PRLR: variants seen among roughly 807,000 people sequenced by gnomAD.
PRLR encodes the protein prolactin receptor, also known as hPRL receptor.
A neutral mutation model predicts 40.2 loss-of-function variants in PRLR; 13 were observed. The observed-to-expected ratio is 0.32, with a 90% CI of 0.21 to 0.51. PRLR has a LOEUF of 0.51. Among genes scored for constraint, PRLR ranks in the 20% least tolerant of loss-of-function variants. PRLR has a pLI of 0.97. For missense variants in PRLR, 656 were observed against 747.3 expected, an observed-to-expected ratio of 0.88 and a Z score of 1.42; for synonymous variants, 269 against 278.7, an observed-to-expected ratio of 0.97 and a Z score of 0.35.
intron 2 of PRLR, among the ~76,000 whole-genome samples, chr5:35,093,314 C>A (rs1771337061): frequency 6.6e-6 from 1 of 152,148 alleles, no homozygotes; most frequent in South Asian, 2.1e-4. Context: ...CATACCACTC[C>A]CCACTGTCAA....
At chr5:35,095,688 G>C (rs1339517450) in intron 2 of PRLR, among the ~76,000 whole-genome samples, 3 of 152,072 alleles carry the variant, frequency 2.0e-5, no homozygotes, top group African/African-American at 7.2e-5. Context: ...TTGCTCGTGT[G>C]GTCATTCATT....
intron 1 of PRLR, among the ~76,000 whole-genome samples, chr5:35,150,283 T>G (rs1421829226): frequency 6.6e-6 from 1 of 152,190 alleles, no homozygotes; most frequent in Non-Finnish European, 1.5e-5. Context: ...GTTCTATGGT[T>G]TTCCATCAGA....
At chr5:35,049,168 A>C in exon 9 of PRLR, 2 of 699,874 alleles carry the variant, frequency 2.9e-6, no homozygotes, top group East Asian at 5.4e-5. Flanking sequence ...TGCAGGAGTA[A>C]TCCAAGTCAG....
chr5:35,206,646 G>C (rs1433612227), intron 1 of PRLR, among the ~76,000 whole-genome samples: 2 of 152,036 alleles, frequency 1.3e-5, no homozygotes, highest in Non-Finnish European at 2.9e-5. Context: ...TCATGTCTTT[G>C]ACTTTGCTAA....
downstream of PRLR, among the ~76,000 whole-genome samples, chr5:35,053,833 C>T (rs1353259833): frequency 2.0e-5 from 3 of 151,920 alleles, no homozygotes; most frequent in Non-Finnish European, 2.9e-5. Context: ...AGTAAATGGC[C>T]AAGAATGGCC....
downstream of PRLR, among the ~76,000 whole-genome samples, chr5:35,052,376 T>A (rs560664369): frequency 8.3e-4 from 126 of 152,182 alleles, 4 homozygotes; most frequent in South Asian, 0.025. Context: ...TAGAAAAAAA[T>A]TTGAGAAGTT....
intron 1 of PRLR, among the ~76,000 whole-genome samples, chr5:35,160,993 G>T (rs1397703367): frequency 2.0e-5 from 3 of 152,198 alleles, no homozygotes; most frequent in African/African-American, 7.2e-5. Context: ...CAGTGCTGTG[G>T]TCTTTGTGTA....
intron 1 of PRLR, among the ~76,000 whole-genome samples, chr5:35,185,707 CAA>C (rs1178539789): frequency 2.0e-5 from 3 of 152,206 alleles, no homozygotes; most frequent in Admixed American, 1.3e-4. Flanking sequence ...TCTATACACA[CAA>C]ACTGCTGAGA....
chr5:35,120,557 G>A (rs1773254247), intron 1 of PRLR, among the ~76,000 whole-genome samples: 1 of 152,174 alleles, frequency 6.6e-6, no homozygotes, highest in Admixed American at 6.5e-5. Context: ...CCATTATGGG[G>A]TGGGGAGACA....
chr5:35,187,782 G>C (rs1190401116), intron 1 of PRLR, among the ~76,000 whole-genome samples: 1 of 152,164 alleles, frequency 6.6e-6, no homozygotes, highest in African/African-American at 2.4e-5. Context: ...CCCAGTCCAG[G>C]GTTTTCCTGC....
At chr5:35,133,196 C>A (rs1386075677) in intron 1 of PRLR, among the ~76,000 whole-genome samples, 1 of 152,188 alleles carries the variant, frequency 6.6e-6, no homozygotes, top group Non-Finnish European at 1.5e-5. Flanking sequence ...GGTTCTCAGG[C>A]CTTCAGAATA....
rs771815652 is a variant in PRLR, at chr5:35,084,490, T to A, written c.353A>T (p.Tyr118Phe). 6.4e-7 allele frequency: 1 copy of A among 1,574,388 alleles called. No homozygotes were observed. Among genetic ancestry groups the A allele is most frequent in the East Asian group, 2.4e-5 (1 of 42,342 alleles). The change falls in exon 5 of 10, where the codon TAT becomes TTT. Residue 118 changes from tyrosine to phenylalanine, a missense_variant. Around this residue, in one of 3 missense-constraint regions of PRLR, gnomAD observed 180 missense variants for 236.8 expected, o/e 0.76. Coordinates refer to ENST00000618457, the MANE Select transcript of PRLR (RefSeq NM_000949.7). ...CTTACCTATGTAAGTCACGTCCACA[T>A]AAAGTTCATCCGAGAAACTGCTTCC... ...QMGSSFSDEL[Y>F]VDVTYIVQPD...
chr5:35,107,583 A>C (rs1157734234), intron 2 of PRLR, among the ~76,000 whole-genome samples: 1 of 152,106 alleles, frequency 6.6e-6, no homozygotes, highest in African/African-American at 2.4e-5. Context: ...TACCATCAGA[A>C]AATACTATAA....
At chr5:35,049,674 C>T (rs1006175185) in intron 8 of PRLR, among the ~76,000 whole-genome samples, 1 of 152,122 alleles carries the variant, frequency 6.6e-6, no homozygotes, top group African/African-American at 2.4e-5. Flanking sequence ...GTTTCAGAAA[C>T]TGAAAGTCTT....
At chr5:35,220,338 A>G (rs560225840) in intron 1 of PRLR, among the ~76,000 whole-genome samples, 5 of 152,166 alleles carry the variant, frequency 3.3e-5, no homozygotes, top group African/African-American at 1.2e-4. Flanking sequence ...GACCTTTTCC[A>G]GTCTTAGGAC....
At chr5:35,109,425 C>T (rs536197810) in intron 2 of PRLR, among the ~76,000 whole-genome samples, 52 of 152,312 alleles carry the variant, frequency 3.4e-4, no homozygotes, top group Non-Finnish European at 5.7e-4. Context: ...TCAGAGCGAA[C>T]TGGCAACCTA....
intron 1 of PRLR, among the ~76,000 whole-genome samples, chr5:35,178,799 T>C (rs1024835620): frequency 2.0e-5 from 3 of 152,202 alleles, no homozygotes; most frequent in Admixed American, 1.3e-4. Context: ...ATTAATATAC[T>C]AGTTAAGTAA....
At chr5:35,114,623 C>A (rs538050488) in intron 2 of PRLR, among the ~76,000 whole-genome samples, 15 of 152,286 alleles carry the variant, frequency 9.8e-5, no homozygotes, top group African/African-American at 3.6e-4. Flanking sequence ...CGGGAGACTG[C>A]CTGGCTCCTT....
intron 1 of PRLR, among the ~76,000 whole-genome samples, chr5:35,222,505 T>C (rs1029567836): frequency 5.3e-5 from 8 of 152,118 alleles, no homozygotes; most frequent in African/African-American, 7.2e-5. Context: ...ACTATAAATA[T>C]GCAAGGCCAA....
Sources: gnomAD v4.1 joint callset for allele counts (sites outside exome capture counted in the v4.1 genomes callset) on GRCh38, gnomAD v4.1.1 for gene constraint, gnomAD v4.1.1 regional missense constraint, MANE v1.5 for transcripts, NCBI Gene and HGNC (gene_info 2026-07-23, HGNC 2026-07-21) for gene names.